STK26: variants seen among roughly 807,000 people sequenced by gnomAD.
The protein encoded by STK26 is serine/threonine kinase 26.
A neutral mutation model predicts 34.7 loss-of-function variants in STK26; 14 were observed. The ratio of observed to expected loss-of-function variants is 0.40; its 90% CI spans 0.27 to 0.63. The LOEUF is 0.63. STK26 is among the 30% of genes least tolerant of loss of function. The probability of loss-of-function intolerance (pLI) is 0.38; values close to 1 mark genes in which losing one functional copy is unlikely to be tolerated. For synonymous variants in STK26, 100 were observed against 109.8 expected (o/e 0.91, Z 0.56); for missense variants, 226 against 309.1 (o/e 0.73, Z 2.02).
intron 3 of STK26, among the ~76,000 whole-genome samples, chrX:132,061,420 C>T (rs762750415): frequency 6.3e-5 from 7 of 111,867 alleles, no homozygotes; most frequent in African/African-American, 2.3e-4. Flanking sequence ...AACTCCTCTT[C>T]CCTCACCAGT....
intron 2 of STK26, among the ~76,000 whole-genome samples, chrX:132,037,608 T>C (rs1411051816): frequency 1.8e-5 from 2 of 110,497 alleles, no homozygotes; most frequent in Non-Finnish European, 3.8e-5. Context: ...AACGAGTGAC[T>C]TCTACTTCAC....
rs761165888 is a variant in STK26 at position 132,069,552 on chromosome X, A to G, written c.672A>G (p.Pro224=). The G allele has an allele frequency of 5.1e-6, 6 of 1,179,706 alleles. No homozygotes were observed. The African/African-American group carries it at 9.1e-5, about 18-fold the overall frequency. Residue 224 remains proline, a synonymous_variant, in exon 7 of 12, where the codon CCA becomes CCG. Transcript: ENST00000394334. Reference sequence around the variant, plus strand: ...AGCCACCTAACTCCGATATGCATCCAATGAGAGTTCTGTTTCTTATTCCCA... The same window carrying G: ...AGCCACCTAACTCCGATATGCATCCGATGAGAGTTCTGTTTCTTATTCCCA... ...KGEPPNSDMH[P]MRVLFLIPKN...
rs1024132980 is a variant in STK26, at chrX:132,039,145, G to A, written c.42+15486G>A. On this transcript the variant is annotated intron_variant, in intron 2 of 11. Coordinates refer to ENST00000394334, the MANE Select transcript of STK26 (RefSeq NM_016542.4). ...TCTGGGTCAATCTGTATAACTAGAC[G>A]TATCTTAATTTGATTACTCTGGGGT... is the stretch of plus-strand genomic sequence containing the variant. Among the ~76,000 whole-genome samples, 3 of 111,079 alleles carry A rather than the reference G, an allele frequency of 2.7e-5. No individual in the cohort carries two copies. In the Admixed American group the frequency reaches 2.9e-4, roughly 11 times the overall value.
intron 2 of STK26, among the ~76,000 whole-genome samples, chrX:132,044,711 C>A (rs866053160): frequency 3.7e-4 from 14 of 38,169 alleles, no homozygotes; most frequent in Admixed American, 5.2e-4. Context: ...AGAGAGAGAT[C>A]TATATATATA....
intron 4 of STK26, among the ~76,000 whole-genome samples, chrX:132,065,338 G>T (rs1412139537): frequency 9.0e-6 from 1 of 111,278 alleles, no homozygotes; most frequent in African/African-American, 3.3e-5. Flanking sequence ...TCCATTTTTT[G>T]AATATTAAGA....
chrX:132,046,008 ATTTT>A (rs1416658369), intron 2 of STK26, among the ~76,000 whole-genome samples: 1 of 111,896 alleles, frequency 8.9e-6, no homozygotes, highest in African/African-American at 3.2e-5. Flanking sequence ...TTGCTTGAGG[ATTTT>A]TAAGATAAGG....
intron 2 of STK26, among the ~76,000 whole-genome samples, chrX:132,037,472 T>C (rs1437585916): frequency 8.9e-6 from 1 of 112,021 alleles, no homozygotes; most frequent in African/African-American, 3.2e-5. Context: ...TTTATCAAGA[T>C]TTTCAATTCT....
intron 2 of STK26, among the ~76,000 whole-genome samples, chrX:132,024,353 A>T (rs1349949110): frequency 1.8e-5 from 2 of 111,451 alleles, no homozygotes; most frequent in Non-Finnish European, 3.8e-5. Context: ...TTTGTCTTGG[A>T]CAAGGGACTA....
chrX:132,024,168 T>G (rs1242226446), intron 2 of STK26, among the ~76,000 whole-genome samples: 1 of 111,128 alleles, frequency 9.0e-6, no homozygotes, highest in African/African-American at 3.3e-5. Context: ...GACCTCTTTC[T>G]CCCTTTCGGT....
intron 3 of STK26, among the ~76,000 whole-genome samples, chrX:132,061,616 A>C (rs1927057238): frequency 1.8e-5 from 2 of 111,889 alleles, no homozygotes; most frequent in East Asian, 5.6e-4. Context: ...TAGTGTCAGC[A>C]TATGGAAAGG....
chrX:132,049,843 A>G (rs926573299), intron 2 of STK26, among the ~76,000 whole-genome samples: 1 of 112,014 alleles, frequency 8.9e-6, no homozygotes, highest in Non-Finnish European at 1.9e-5. Context: ...CATTCATAGT[A>G]TGGGCTTTAT....
chrX:132,054,689 C>G lies in STK26; in HGVS notation c.101C>G (p.Ser34Ter). 1 of 1,211,611 alleles carries G rather than the reference C, an allele frequency of 8.3e-7. No individual in the cohort carries two copies. Among genetic ancestry groups the G allele is most frequent in the Non-Finnish European group, 1.1e-6 (1 of 895,408 alleles). Reference sequence around the variant, plus strand: ...AAATTAGAGCGCATTGGGAAAGGCTCATTTGGGGAAGTTTTCAAAGGAATT... The same window carrying G: ...AAATTAGAGCGCATTGGGAAAGGCTGATTTGGGGAAGTTTTCAAAGGAATT... ...FTKLERIGKG[S>*]FGEVFKGIDN... is the part of the protein sequence containing the mutation. The change falls in exon 3 of 12, where the codon TCA becomes TGA. Residue 34 changes from serine to a stop codon, truncating the protein, a stop_gained. Coordinates refer to ENST00000394334, the MANE Select transcript of STK26 (RefSeq NM_016542.4). LOFTEE classifies it high-confidence loss of function.
At chrX:132,028,803 C>T (rs958647928) in intron 2 of STK26, among the ~76,000 whole-genome samples, 25 of 111,317 alleles carry the variant, frequency 2.2e-4, no homozygotes, top group African/African-American at 7.5e-4. Flanking sequence ...AACAGTCATC[C>T]GGAAACCTAC....
intron 2 of STK26, among the ~76,000 whole-genome samples, chrX:132,035,832 TACACACACACAC>T (rs61494612): frequency 2.1e-3 from 164 of 78,215 alleles, no homozygotes; most frequent in African/African-American, 7.5e-3. Context: ...TCTGGCTGCA[TACACACACACAC>T]ACACACACAC....
At chrX:132,034,587 C>T (rs1395046066) in intron 2 of STK26, among the ~76,000 whole-genome samples, 1 of 111,342 alleles carries the variant, frequency 9.0e-6, no homozygotes, top group Non-Finnish European at 1.9e-5. Context: ...AGCCACCGCG[C>T]CCGGCCAGGA....
At chrX:132,031,295 G>A (rs923986648) in intron 2 of STK26, among the ~76,000 whole-genome samples, 5 of 111,394 alleles carry the variant, frequency 4.5e-5, no homozygotes, top group Admixed American at 3.8e-4. Flanking sequence ...GGTAATTAAC[G>A]TATCTATCAC....
intron 2 of STK26, among the ~76,000 whole-genome samples, chrX:132,031,850 G>A (rs1461285122): frequency 1.8e-5 from 2 of 111,860 alleles, no homozygotes; most frequent in Non-Finnish European, 3.8e-5. Flanking sequence ...AACATAGAGT[G>A]ATTCTGTAGG....
At chrX:132,052,289 AAGATTAGTAAATGGGGC>A (rs768139168) in intron 2 of STK26, among the ~76,000 whole-genome samples, 3 of 111,734 alleles carry the variant, frequency 2.7e-5, no homozygotes, top group Non-Finnish European at 5.6e-5. Context: ...TCAGGGATTC[AAGATTAGTAAATGGGGC>A]AGGGGTCTCT....
intron 2 of STK26, among the ~76,000 whole-genome samples, chrX:132,024,606 G>A (rs1471947547): frequency 9.0e-6 from 1 of 111,014 alleles, no homozygotes; most frequent in Non-Finnish European, 1.9e-5. Flanking sequence ...TAAAACCACT[G>A]AAGCCTCAGT....
Sources: gnomAD v4.1 joint callset for allele counts (sites outside exome capture counted in the v4.1 genomes callset) on GRCh38, gnomAD v4.1.1 for gene constraint, MANE v1.5 for transcripts, NCBI Gene and HGNC (gene_info 2026-07-23, HGNC 2026-07-21) for gene names.